ARHGAP5: variants seen among roughly 807,000 people sequenced by gnomAD.
The protein encoded by ARHGAP5 is Rho GTPase activating protein 5, also known as rho GTPase-activating protein 5.
A neutral mutation model predicts 116.6 loss-of-function variants in ARHGAP5; 23 were observed. That is an observed-to-expected ratio of 0.20 (90% confidence interval 0.14 to 0.28). The LOEUF is 0.28. ARHGAP5 is among the 10% of genes least tolerant of loss of function. The pLI is 1.00. For missense variants in ARHGAP5, 1,405 were observed against 1,774.8 expected, an observed-to-expected ratio of 0.79 and a Z score of 3.74; for synonymous variants, 574 against 602.0, an observed-to-expected ratio of 0.95 and a Z score of 0.68.
intron 3 of ARHGAP5, among the ~76,000 whole-genome samples, chr14:32,136,136 A>G (rs1178104044): frequency 1.3e-5 from 2 of 152,166 alleles, no homozygotes. Context: ...TTTTGAGGTA[A>G]AATTTATATA....
At chr14:32,150,165 T>A in intron 5 of ARHGAP5, 132 bp downstream of exon 5, 1 of 671,856 alleles carries the variant, frequency 1.5e-6, no homozygotes, top group Non-Finnish European at 2.2e-6. Context: ...CTCTATTTCT[T>A]AAAGGCATTT....
At chr14:32,152,853 T>C (rs758378329) in intron 6 of ARHGAP5, among the ~76,000 whole-genome samples, 5 of 152,132 alleles carry the variant, frequency 3.3e-5, no homozygotes, top group Admixed American at 6.5e-5. Context: ...TTTGAAAAAT[T>C]ACTAGTTCTG....
At position 32,117,150 on chromosome 14, in the gene ARHGAP5, A is replaced by T; in HGVS notation, c.3728A>T (p.Lys1243Ile). Residue 1243 changes from lysine (K) to isoleucine (I), a missense_variant, in exon 3 of 7, where the codon AAA (lysine) becomes ATA (isoleucine). Physicochemically the swap from Lys to Ile is moderately radical, Grantham distance 102 (BLOSUM62 -3). Coordinates refer to ENST00000345122, the MANE Select transcript of ARHGAP5 (RefSeq NM_001030055.2). ...TATGTTTTCTTATAGCAGAAAAAGA[A>T]AACTAAGAACTTCAATCCACCAACA... ...KVKEDKKQKK[K>I]TKNFNPPTRR... The T allele has an allele frequency of 6.3e-7, 1 of 1,597,042 alleles. No homozygotes were observed. Among genetic ancestry groups the T allele is most frequent in the Non-Finnish European group, 8.5e-7 (1 of 1,174,256 alleles).
At chr14:32,116,863 A>T (rs1252304391) in intron 2 of ARHGAP5, among the ~76,000 whole-genome samples, 1 of 152,192 alleles carries the variant, frequency 6.6e-6, no homozygotes, top group African/African-American at 2.4e-5. Flanking sequence ...GTTGGCATTG[A>T]AAAGTGATAT....
At position 32,154,924 on chromosome 14, in the gene ARHGAP5, A is replaced by G. The variant is rs762870492; in HGVS notation, c.4485A>G (p.Gln1495=). 1.1e-5 allele frequency: 18 copies of G among 1,613,554 alleles called. 1 individual carries two copies. Among genetic ancestry groups the G allele is most frequent in the Admixed American group, 8.3e-5 (5 of 59,996 alleles). The change falls in exon 7 of 7, where the codon CAA becomes CAG. Residue 1495 remains glutamine, a synonymous_variant. Transcript: ENST00000345122. ...CTCAGCTGATACAACCACAATTACA[A>G]ACGGATCCTCTTGGTATTATATGAG... ...LQPQLIQPQL[Q]TDPLGII is the part of the protein sequence containing the mutation.
At chr14:32,102,149 A>G (rs1242842077) in intron 2 of ARHGAP5, among the ~76,000 whole-genome samples, 2 of 152,190 alleles carry the variant, frequency 1.3e-5, no homozygotes, top group Non-Finnish European at 2.9e-5. Flanking sequence ...TAATTTCTTC[A>G]GAGTTGATGT....
intron 1 of ARHGAP5, among the ~76,000 whole-genome samples, chr14:32,084,795 A>G (rs774971114): frequency 7.9e-5 from 12 of 152,184 alleles, no homozygotes; most frequent in Non-Finnish European, 1.5e-5. Flanking sequence ...AAGATGAAGT[A>G]TTATTTCGAG....
chr14:32,125,278 T>G (rs1271268381), intron 3 of ARHGAP5, among the ~76,000 whole-genome samples: 1 of 152,226 alleles, frequency 6.6e-6, no homozygotes, highest in African/African-American at 2.4e-5. Context: ...TGACCTTTTC[T>G]TCTGCTTCTT....
At position 32,155,131 on chromosome 14, in the gene ARHGAP5, G is replaced by A. The variant is rs950920341; in HGVS notation, c.*183G>A. 31 of 605,308 alleles carry A rather than the reference G, an allele frequency of 5.1e-5. No individual in the cohort carries two copies. The highest frequency in any genetic ancestry group is 7.0e-5 in the Non-Finnish European group (25 of 357,532). The allele number at this position is 605,308 out of a possible 1,614,324, so 37.5% of individuals were successfully genotyped here. On this transcript the variant is annotated 3_prime_UTR_variant, in exon 7 of 7. Transcript: ENST00000345122. ...TTACAAATCTAAGACCATGTGATAA[G>A]CATGACTGGAGAGGTTTAATTTTTA...
Position 32,140,159 on chromosome 14 carries a change from G to A in ARHGAP5, c.3866-6104G>A, listed in dbSNP as rs1881051088. Among the ~76,000 whole-genome samples the A allele has an allele frequency of 3.4e-5, 4 of 116,174 alleles. No homozygotes were observed. In the Admixed American group the frequency reaches 4.8e-4, roughly 14 times the overall value. The allele number at this position is 116,174 out of a possible 152,430, so 76.2% of individuals were successfully genotyped here. ...ATACTTTAAGTTTTAGGGTACATCT[G>A]CACATTGTGCAGGTTAGTTACATAT... On this transcript the variant is annotated intron_variant, in intron 3 of 6. Coordinates refer to ENST00000345122, the MANE Select transcript of ARHGAP5 (RefSeq NM_001030055.2).
chr14:32,145,552 A>G (rs1040703907), intron 3 of ARHGAP5, among the ~76,000 whole-genome samples: 4 of 152,082 alleles, frequency 2.6e-5, no homozygotes, highest in African/African-American at 9.7e-5. Context: ...AGGCCTCTCC[A>G]ACGCCCAGTC....
Position 32,091,629 on chromosome 14 carries a change from A to T in ARHGAP5, c.960A>T (p.Ser320=). The change falls in exon 2 of 7, where the codon TCA becomes TCT. Residue 320 remains serine (S), a synonymous_variant. Coordinates refer to ENST00000345122, the MANE Select transcript of ARHGAP5 (RefSeq NM_001030055.2). ...CAAGAAAGGCCAGAAATACATTCTCAAAACATATAGAACAACTTAAACAGG... is the reference window on the plus strand; with the variant it reads ...CAAGAAAGGCCAGAAATACATTCTCTAAACATATAGAACAACTTAAACAGG... ...EGTRKARNTF[S]KHIEQLKQEH... 1.9e-6 allele frequency: 3 copies of T among 1,612,232 alleles called. No individual in the cohort carries two copies. Among genetic ancestry groups the T allele is most frequent in the Non-Finnish European group, 2.5e-6 (3 of 1,178,910 alleles).
chr14:32,091,665 A>C lies in ARHGAP5; in HGVS notation c.996A>C (p.Arg332Ser). 6.2e-7 allele frequency: 1 copy of C among 1,609,986 alleles called. No individual in the cohort carries two copies. Among genetic ancestry groups the C allele is most frequent in the Non-Finnish European group, 8.5e-7 (1 of 1,178,596 alleles). The stretch of plus-strand genomic sequence containing the variant: ...AACAACTTAAACAGGAACATATAAG[A>C]AAAAGGAGAGAAGAGTATATAAATA... ...HIEQLKQEHI[R>S]KRREEYINTL... Residue 332 changes from arginine to serine, a missense_variant, in exon 2 of 7, where the codon AGA becomes AGC. By Grantham distance (110) the Arg-to-Ser change is moderately radical (BLOSUM62 -1). Around this residue, in one of 6 missense-constraint regions of ARHGAP5, gnomAD observed 944 missense variants for 1,095.3 expected, o/e 0.86. Coordinates refer to ENST00000345122, the MANE Select transcript of ARHGAP5 (RefSeq NM_001030055.2).
At chr14:32,136,025 G>C (rs757340527) in intron 3 of ARHGAP5, among the ~76,000 whole-genome samples, 13 of 152,116 alleles carry the variant, frequency 8.5e-5, no homozygotes, top group Non-Finnish European at 1.6e-4. Context: ...TCAAACATAA[G>C]AATGTACTTT....
chr14:32,097,570 C>T (rs1878587796), intron 2 of ARHGAP5, among the ~76,000 whole-genome samples: 1 of 151,934 alleles, frequency 6.6e-6, no homozygotes, highest in South Asian at 2.1e-4. Flanking sequence ...AAAAAGAAGG[C>T]AAATAAAACA....
intron 2 of ARHGAP5, among the ~76,000 whole-genome samples, chr14:32,114,260 CT>C (rs571476848): frequency 8.4e-4 from 125 of 149,648 alleles, no homozygotes; most frequent in African/African-American, 2.7e-3. Flanking sequence ...AGTGTAATCT[CT>C]TTTACCACTG....
At chr14:32,120,820 T>C (rs925564925) in intron 3 of ARHGAP5, among the ~76,000 whole-genome samples, 55 of 152,042 alleles carry the variant, frequency 3.6e-4, no homozygotes, top group East Asian at 1.9e-4. Flanking sequence ...ATCAAATTCT[T>C]TGAGTGTGTT....
At chr14:32,116,682 T>C (rs1482867051) in intron 2 of ARHGAP5, among the ~76,000 whole-genome samples, 1 of 152,042 alleles carries the variant, frequency 6.6e-6, no homozygotes, top group Non-Finnish European at 1.5e-5. Flanking sequence ...GAACTAACGG[T>C]TCATGGAGTT....
chr14:32,148,208 ATCTATGTATATC>A (rs1566685077), intron 4 of ARHGAP5, among the ~76,000 whole-genome samples: 1 of 149,220 alleles, frequency 6.7e-6, no homozygotes, highest in African/African-American at 2.6e-5. Flanking sequence ...CTATCTATCT[ATCTATGTATATC>A]TATCTATAGT....
Sources: allele counts gnomAD v4.1 joint callset (sites outside exome capture counted in the v4.1 genomes callset), GRCh38; gene constraint gnomAD v4.1.1; regional missense constraint gnomAD v4.1.1; transcripts MANE v1.5; gene names NCBI Gene and HGNC (gene_info 2026-07-23, HGNC 2026-07-21).